The following RBBP8 variants were observed in gnomAD, a reference collection of about 807,000 sequenced individuals.
RBBP8 encodes RB binding protein 8, endonuclease.
In RBBP8, 88 loss-of-function variants were observed where a neutral mutation model predicts 108.3. That is an observed-to-expected ratio of 0.81 (90% CI 0.68 to 0.97). RBBP8 has a LOEUF of 0.97. Among genes scored for constraint, RBBP8 ranks in the 50% least tolerant of loss-of-function variants. The probability of loss-of-function intolerance (pLI) is 0.00; values close to 1 mark genes in which losing one functional copy is unlikely to be tolerated. For synonymous variants in RBBP8, 332 were observed against 348.2 expected, an observed-to-expected ratio of 0.95 and a Z score of 0.52; for missense variants, 1,023 against 1,049.0, an observed-to-expected ratio of 0.98 and a Z score of 0.34.
chr18:22,920,569 C>A (rs1909553245), intron 3 of RBBP8, among the ~76,000 whole-genome samples: 1 of 152,096 alleles, frequency 6.6e-6, no homozygotes, highest in East Asian at 1.9e-4. Context: ...TACAATGATT[C>A]AGATTAGGAG....
intron 6 of RBBP8, among the ~76,000 whole-genome samples, chr18:22,975,988 A>G (rs1458926909): frequency 6.6e-6 from 1 of 152,180 alleles, no homozygotes; most frequent in Non-Finnish European, 1.5e-5. Context: ...CTTATATACT[A>G]TTTTTGAAAA....
chr18:22,996,351 C>A (rs1448751378), intron 12 of RBBP8, 23 bp from the exon 13 acceptor site: 2 of 1,612,336 alleles, frequency 1.2e-6, no homozygotes, highest in East Asian at 4.5e-5. Flanking sequence ...TTTTTAATTG[C>A]ATGCTCTTTC....
At chr18:22,974,235 C>G (rs564526836) in intron 5 of RBBP8, among the ~76,000 whole-genome samples, 1 of 152,166 alleles carries the variant, frequency 6.6e-6, no homozygotes, top group Non-Finnish European at 1.5e-5. Flanking sequence ...TATGCTGGTT[C>G]CAGTAGAAGT....
intron 7 of RBBP8, among the ~76,000 whole-genome samples, chr18:22,982,922 C>A (rs4517886): frequency 0.21 from 31,761 of 152,142 alleles, 3,613 homozygotes; most frequent in East Asian, 0.4. Context: ...ATCTTCTTAG[C>A]TCTGAACTTT....
intron 14 of RBBP8, 63 bp downstream of exon 14, chr18:22,997,797 C>G (rs1479564567): frequency 4.4e-6 from 5 of 1,135,248 alleles, no homozygotes; most frequent in Non-Finnish European, 6.5e-6. Flanking sequence ...GTAGTTGTAC[C>G]ATTGCACTGA....
chr18:22,937,476 CA>C (rs1910673849), intron 2 of RBBP8, among the ~76,000 whole-genome samples: 1 of 151,056 alleles, frequency 6.6e-6, no homozygotes. Flanking sequence ...TCTTTAAATT[CA>C]AAGATATCTT....
chr18:23,005,557 C>T (rs2144763482), intron 15 of RBBP8, among the ~76,000 whole-genome samples: 1 of 152,140 alleles, frequency 6.6e-6, no homozygotes, highest in East Asian at 2.0e-4. Context: ...GGATTACAGG[C>T]ATGTGCCACC....
At chr18:22,964,823 T>C (rs1913433348) in intron 4 of RBBP8, among the ~76,000 whole-genome samples, 1 of 152,014 alleles carries the variant, frequency 6.6e-6, no homozygotes, top group African/African-American at 2.4e-5. Flanking sequence ...AGTCTCTTTT[T>C]TGTTCTCAGA....
intron 8 of RBBP8, 81 bp from the exon 9 acceptor site, chr18:22,989,140 G>A (rs1045118919): frequency 2.0e-6 from 2 of 986,774 alleles, no homozygotes; most frequent in Non-Finnish European, 1.5e-6. Context: ...TTCATCTTTT[G>A]TCATTTTAAT....
At position 22,993,860 on chromosome 18, in the gene RBBP8, T is replaced by A. The variant is rs747849677; in HGVS notation, c.1939+13T>A. ...CAAAACAACCAAGGTGTGTACACCA[T>A]AAACAGGATCTCCACTTTTTTAATG... On this transcript the variant is annotated intron_variant, in intron 12 of 18. Coordinates refer to ENST00000327155, the MANE Select transcript of RBBP8 (RefSeq NM_002894.3). 2.5e-6 allele frequency: 4 copies of A among 1,609,714 alleles called. No individual in the cohort carries two copies. The highest frequency in any genetic ancestry group is 3.4e-6 in the Non-Finnish European group (4 of 1,176,216).
At chr18:22,946,656 T>C (rs944539569) in intron 3 of RBBP8, among the ~76,000 whole-genome samples, 170 bp downstream of exon 3, 9 of 152,132 alleles carry the variant, frequency 5.9e-5, no homozygotes, top group African/African-American at 2.2e-4. Context: ...GCAGCAGTTT[T>C]TTTTTTCAAA....
intron 3 of RBBP8, among the ~76,000 whole-genome samples, chr18:22,927,871 G>A (rs1486730617): frequency 1.3e-5 from 2 of 151,720 alleles, no homozygotes; most frequent in African/African-American, 4.8e-5. Flanking sequence ...CTCCAGCCTG[G>A]GCAACAGAGT....
chr18:23,007,130 C>T (rs2046066610), intron 16 of RBBP8, among the ~76,000 whole-genome samples: 1 of 150,690 alleles, frequency 6.6e-6, no homozygotes, highest in African/African-American at 2.4e-5. Context: ...AAGTTATTCT[C>T]CTGCCCCCGC....
chr18:22,993,100 G>A lies in RBBP8; in HGVS notation c.1273G>A (p.Gly425Ser), dbSNP rs541964555. The change falls in exon 11 of 19, where the codon GGT becomes AGT. Residue 425 changes from glycine (G) to serine (S), a missense_variant. By Grantham distance (56) the Gly-to-Ser change is moderately conservative. Coordinates refer to ENST00000327155, the MANE Select transcript of RBBP8 (RefSeq NM_002894.3). ...AGGTGAACAGAATAGGACTGAGTAC[G>A]GTAAAGATTCTAACACTGATAAACA... ...SLGEQNRTEYGKDSNTDKHLE... is the reference protein window; with the variant it reads ...SLGEQNRTEYSKDSNTDKHLE... The A allele has an allele frequency of 3.0e-5, 48 of 1,613,876 alleles. No individual in the cohort carries two copies. In the South Asian group the frequency reaches 4.2e-4, roughly 14 times the overall value.
intron 4 of RBBP8, among the ~76,000 whole-genome samples, chr18:22,953,073 G>C (rs2144506150): frequency 6.6e-6 from 1 of 152,328 alleles, no homozygotes; most frequent in South Asian, 2.1e-4. Flanking sequence ...AAAAATACCT[G>C]TAAGAAATGA....
At chr18:22,998,159 G>A (rs2045891161) in intron 14 of RBBP8, among the ~76,000 whole-genome samples, 1 of 152,236 alleles carries the variant, frequency 6.6e-6, no homozygotes, top group Non-Finnish European at 1.5e-5. Flanking sequence ...CTGATCCCTG[G>A]TGTAGACAAT....
At chr18:23,011,576 A>G (rs935965804) in intron 16 of RBBP8, among the ~76,000 whole-genome samples, 2 of 151,524 alleles carry the variant, frequency 1.3e-5, no homozygotes, top group East Asian at 3.9e-4. Context: ...AGCTGGGACT[A>G]CAAGTGCCCG....
chr18:22,993,875 C>T, intron 12 of RBBP8, 28 bp downstream of exon 12: 2 of 1,601,820 alleles, frequency 1.2e-6, no homozygotes, highest in Non-Finnish European at 1.7e-6. Flanking sequence ...AGGATCTCCA[C>T]TTTTTTAATG....
intron 15 of RBBP8, among the ~76,000 whole-genome samples, chr18:23,003,052 C>T (rs2144750852): frequency 1.3e-5 from 2 of 152,328 alleles, no homozygotes; most frequent in South Asian, 4.1e-4. Flanking sequence ...TCTCACTTAG[C>T]TTTTCTGACG....
Sources: gnomAD v4.1 joint callset for allele counts (sites outside exome capture counted in the v4.1 genomes callset) on GRCh38, gnomAD v4.1.1 for gene constraint, MANE v1.5 for transcripts, NCBI Gene and HGNC (gene_info 2026-07-23, HGNC 2026-07-21) for gene names.